FNDC3B: variants seen among roughly 807,000 people sequenced by gnomAD.
FNDC3B encodes fibronectin type III domain containing 3B, also known as fibronectin type III domain-containing protein 3B.
Under a neutral mutation model 151.5 loss-of-function variants are expected in FNDC3B, and 12 were observed. The observed-to-expected ratio is 0.08, with a 90% CI of 0.05 to 0.13. The LOEUF (loss-of-function observed/expected upper bound fraction) is 0.13. FNDC3B is among the 10% of genes least tolerant of loss of function. The probability of loss-of-function intolerance (pLI) is 1.00; values close to 1 mark genes in which losing one functional copy is unlikely to be tolerated. For missense variants in FNDC3B, 1,214 were observed against 1,505.3 expected, an observed-to-expected ratio of 0.81 and a Z score of 3.20; for synonymous variants, 528 against 549.0, an observed-to-expected ratio of 0.96 and a Z score of 0.54.
chr3:172,078,018 G>A (rs997971223), intron 1 of FNDC3B, among the ~76,000 whole-genome samples: 7 of 152,044 alleles, frequency 4.6e-5, no homozygotes, highest in African/African-American at 7.2e-5. Flanking sequence ...GTCTCCCTCT[G>A]TCATCCAGGC....
intron 3 of FNDC3B, among the ~76,000 whole-genome samples, chr3:172,171,319 T>C (rs1051828589): frequency 6.6e-6 from 1 of 152,224 alleles, no homozygotes; most frequent in African/African-American, 2.4e-5. Flanking sequence ...GTGTTTTATG[T>C]CATTTACAGT....
intron 1 of FNDC3B, among the ~76,000 whole-genome samples, chr3:172,065,510 A>G (rs1160219317): frequency 1.3e-5 from 2 of 152,224 alleles, no homozygotes; most frequent in Admixed American, 1.3e-4. Context: ...CGCCTTGTTC[A>G]AAAGTGACAG....
chr3:172,298,870 G>T (rs947133657), intron 9 of FNDC3B, 83 bp downstream of exon 9: 8 of 969,976 alleles, frequency 8.2e-6, no homozygotes, highest in Non-Finnish European at 1.3e-5. Context: ...TAAGTTTTTG[G>T]TGAATGTTGC....
chr3:172,380,372 T>C (rs1241061355), intron 24 of FNDC3B, among the ~76,000 whole-genome samples: 3 of 152,026 alleles, frequency 2.0e-5, no homozygotes, highest in African/African-American at 7.2e-5. Flanking sequence ...AAATAAAATA[T>C]ATATAAATAT....
intron 13 of FNDC3B, 117 bp downstream of exon 13, chr3:172,330,832 T>A: frequency 1.3e-6 from 1 of 749,998 alleles, no homozygotes; most frequent in Admixed American, 2.8e-5. Flanking sequence ...TCTTAATTTC[T>A]GCCTCTGTCA....
intron 3 of FNDC3B, among the ~76,000 whole-genome samples, chr3:172,209,302 C>CAGCTGGGCA (rs747849624): frequency 6.6e-6 from 1 of 152,182 alleles, no homozygotes; most frequent in African/African-American, 2.4e-5. Flanking sequence ...CTGCCGCCCA[C>CAGCTGGGCA]AGCTGGGCAA....
intron 3 of FNDC3B, among the ~76,000 whole-genome samples, chr3:172,148,016 G>A (rs753762777): frequency 1.7e-4 from 26 of 151,746 alleles, no homozygotes; most frequent in Admixed American, 1.1e-3. Context: ...ATGAATTGAG[G>A]TTTGAACCCG....
At chr3:172,182,432 G>A (rs556001413) in intron 3 of FNDC3B, among the ~76,000 whole-genome samples, 39 of 152,314 alleles carry the variant, frequency 2.6e-4, no homozygotes, top group African/African-American at 7.9e-4. Flanking sequence ...GTTTCCTGGG[G>A]TCTTCCTGAT....
intron 3 of FNDC3B, among the ~76,000 whole-genome samples, chr3:172,206,064 A>T (rs1725406066): frequency 6.6e-6 from 1 of 152,218 alleles, no homozygotes; most frequent in South Asian, 2.1e-4. Context: ...ATATGTTTAT[A>T]TGTAAAGCTT....
At chr3:172,256,524 T>A (rs1261150451) in intron 6 of FNDC3B, among the ~76,000 whole-genome samples, 1 of 152,210 alleles carries the variant, frequency 6.6e-6, no homozygotes, top group East Asian at 1.9e-4. Context: ...GTTAAAATAG[T>A]CACATTGCCT....
At chr3:172,051,511 C>T (rs1383178476) in intron 1 of FNDC3B, among the ~76,000 whole-genome samples, 3 of 151,990 alleles carry the variant, frequency 2.0e-5, no homozygotes, top group African/African-American at 4.8e-5. Flanking sequence ...AAACTTAGCA[C>T]CTTTCAATAA....
chr3:172,198,349 T>C (rs1560013769), intron 3 of FNDC3B, among the ~76,000 whole-genome samples: 3 of 152,194 alleles, frequency 2.0e-5, no homozygotes, highest in Admixed American at 6.5e-5. Context: ...AATACTTGAA[T>C]GTATGTATGA....
At chr3:172,212,388 C>T (rs562318706) in intron 3 of FNDC3B, among the ~76,000 whole-genome samples, 4 of 152,012 alleles carry the variant, frequency 2.6e-5, no homozygotes, top group East Asian at 1.9e-4. Flanking sequence ...TATTTTTTAC[C>T]GCGTTCTTTC....
intron 3 of FNDC3B, among the ~76,000 whole-genome samples, chr3:172,210,216 C>G (rs1270016421): frequency 6.6e-6 from 1 of 152,194 alleles, no homozygotes; most frequent in African/African-American, 2.4e-5. Flanking sequence ...AGCCGCCCCC[C>G]ACTCCTCCAT....
intron 1 of FNDC3B, among the ~76,000 whole-genome samples, chr3:172,080,583 C>T (rs1399146914): frequency 2.0e-5 from 3 of 151,934 alleles, no homozygotes; most frequent in Non-Finnish European, 4.4e-5. Context: ...AGGCCTGAAT[C>T]GTTGAATTTT....
chr3:172,053,771 C>T (rs954883536), intron 1 of FNDC3B, among the ~76,000 whole-genome samples: 4 of 116,750 alleles, frequency 3.4e-5, no homozygotes, highest in South Asian at 2.7e-4. Flanking sequence ...GGCGAAACTC[C>T]GTCTCAAAAA....
At chr3:172,253,088 T>C (rs1292965262) in intron 6 of FNDC3B, among the ~76,000 whole-genome samples, 1 of 152,236 alleles carries the variant, frequency 6.6e-6, no homozygotes, top group Non-Finnish European at 1.5e-5. Context: ...AATGTATAAA[T>C]TGTCCAGAGA....
intron 7 of FNDC3B, among the ~76,000 whole-genome samples, chr3:172,286,489 G>A (rs190596280): frequency 3.9e-5 from 6 of 152,290 alleles, no homozygotes. Flanking sequence ...TGAAATTCAA[G>A]TGAAAAACTC....
rs567603010 is a variant in FNDC3B at position 172,364,278 on chromosome 3, A to G, written c.3008+1433A>G. On this transcript the variant is annotated intron_variant, in intron 23 of 25. Transcript: ENST00000415807. ...AACTAACAGAAATCACAATCCATGT[A>G]TAAAAAAACTAGCATTGGGGGAAAT... is the stretch of plus-strand genomic sequence containing the variant. Among the ~76,000 whole-genome samples, 5 of 152,368 alleles carry G rather than the reference A, an allele frequency of 3.3e-5. No homozygotes were observed. The East Asian group carries it at 5.8e-4, about 18-fold the overall frequency.
Sources: allele counts gnomAD v4.1 joint callset (sites outside exome capture counted in the v4.1 genomes callset), GRCh38; gene constraint gnomAD v4.1.1; transcripts MANE v1.5; gene names NCBI Gene and HGNC (gene_info 2026-07-23, HGNC 2026-07-21).